MOXD1: variants seen among roughly 807,000 people sequenced by gnomAD.
MOXD1 encodes DBH-like monooxygenase protein 1.
In MOXD1, 62 loss-of-function variants were observed where a neutral mutation model predicts 66.6. The observed-to-expected ratio is 0.93, with a 90% CI of 0.76 to 1.15. The LOEUF (loss-of-function observed/expected upper bound fraction) is 1.15, where lower values mean the gene tolerates loss of function less well. MOXD1 is among the 50% of genes most tolerant of loss of function. The pLI, the probability that MOXD1 is intolerant of heterozygous loss-of-function variation, is 0.00. For synonymous variants in MOXD1, 303 were observed against 281.9 expected (o/e 1.07, Z -0.75); for missense variants, 847 against 754.6 (o/e 1.12, Z -1.44).
chr6:132,401,085 G>C (rs1777014143), intron 1 of MOXD1, 78 bp downstream of exon 1: 2 of 1,377,918 alleles, frequency 1.5e-6, no homozygotes, highest in Non-Finnish European at 1.9e-6. Flanking sequence ...CCCCGGGGAC[G>C]ACCCGCACCT....
intron 1 of MOXD1, among the ~76,000 whole-genome samples, chr6:132,376,839 C>T (rs1329388391): frequency 6.6e-6 from 1 of 152,190 alleles, no homozygotes; most frequent in Non-Finnish European, 1.5e-5. Flanking sequence ...ATGCACCAGG[C>T]CCTGTTTACA....
intron 1 of MOXD1, among the ~76,000 whole-genome samples, chr6:132,386,078 G>T: frequency 7.1e-6 from 1 of 139,932 alleles, no homozygotes; most frequent in Middle Eastern, 4.3e-3. Context: ...ACTCCAGCCT[G>T]GGCGACAGGG....
intron 1 of MOXD1, among the ~76,000 whole-genome samples, chr6:132,396,937 T>C (rs1002593437): frequency 6.6e-6 from 1 of 152,228 alleles, no homozygotes; most frequent in Non-Finnish European, 1.5e-5. Context: ...TGAATTCCCA[T>C]GTGACTGTCT....
intron 10 of MOXD1, among the ~76,000 whole-genome samples, chr6:132,311,917 G>A (rs563293710): frequency 6.6e-6 from 1 of 151,950 alleles, no homozygotes; most frequent in African/African-American, 2.4e-5. Flanking sequence ...TTTTAAATAG[G>A]AAAAACATAA....
At chr6:132,309,373 A>G (rs1774771929) in intron 10 of MOXD1, among the ~76,000 whole-genome samples, 1 of 152,234 alleles carries the variant, frequency 6.6e-6, no homozygotes, top group Admixed American at 6.5e-5. Context: ...ATAAAAGAGT[A>G]CAAAAATAAA....
In MOXD1 at chr6:132,372,651, A is replaced by G. The variant is rs1181510791; in HGVS notation, c.620T>C (p.Met207Thr). The G allele has an allele frequency of 1.9e-6, 3 of 1,613,964 alleles. No homozygotes were observed. The highest frequency in any genetic ancestry group is 2.5e-6 in the Non-Finnish European group (3 of 1,179,878). Residue 207 changes from methionine to threonine, a missense_variant, in exon 4 of 12, where the codon ATG becomes ACG. Met to Thr is a moderately conservative substitution (Grantham distance 81, BLOSUM62 -1). Transcript: ENST00000367963. The stretch of plus-strand genomic sequence containing the variant: ...TTCTTGGAACACAGGAATCTTAAAC[A>G]TTTGGCACCAATATGTTGTATCTTT... ...PNKDTTYWCQMFKIPVFQEKH... is the reference protein window; with the variant it reads ...PNKDTTYWCQTFKIPVFQEKH...
At chr6:132,336,396 A>T (rs1258022811) in intron 4 of MOXD1, among the ~76,000 whole-genome samples, 2 of 152,148 alleles carry the variant, frequency 1.3e-5, no homozygotes, top group African/African-American at 2.4e-5. Flanking sequence ...AGAACTAACC[A>T]TGTAGATGGA....
At chr6:132,400,755 G>A (rs773211346) in intron 1 of MOXD1, among the ~76,000 whole-genome samples, 1 of 152,052 alleles carries the variant, frequency 6.6e-6, no homozygotes, top group Admixed American at 6.6e-5. Context: ...CAGCAAGTCC[G>A]CGACGTACTA....
intron 4 of MOXD1, among the ~76,000 whole-genome samples, chr6:132,348,201 G>T (rs1445511818): frequency 1.3e-5 from 2 of 152,172 alleles, no homozygotes; most frequent in African/African-American, 4.8e-5. Context: ...TGAGAGGAAG[G>T]CAACTGTCTT....
chr6:132,363,500 C>A (rs905976358), intron 4 of MOXD1, among the ~76,000 whole-genome samples: 2 of 152,046 alleles, frequency 1.3e-5, no homozygotes, highest in Non-Finnish European at 2.9e-5. Context: ...GTAACTTATG[C>A]ATCTTGAAAA....
chr6:132,297,942 T>C lies in MOXD1; in HGVS notation c.1522A>G (p.Ile508Val), dbSNP rs765995037. 6 of 1,608,512 alleles carry C rather than the reference T, an allele frequency of 3.7e-6. No homozygotes were observed. The South Asian group carries it at 5.6e-5, about 15-fold the overall frequency. Residue 508 changes from isoleucine to valine, a missense_variant, in exon 11 of 12, where the codon ATT (isoleucine) becomes GTT (valine). Ile to Val is a conservative substitution (Grantham distance 29, BLOSUM62 3). Transcript: ENST00000367963. The stretch of plus-strand genomic sequence containing the variant: ...TTATATTGCTTGGGACTTTTGATAA[T>C]GAAAGGCCAGGTCCTGAATTTAAAA... ...IYRPVTTWPFIIKSPKQYKNL... is the reference protein window; with the variant it reads ...IYRPVTTWPFVIKSPKQYKNL...
Position 132,322,787 on chromosome 6 carries a change from C to T in MOXD1, c.1197G>A (p.Leu399=). ...HAHLAGRGIR[L]RHFRKGKEMK... is the part of the protein sequence containing the mutation. Reference sequence around the variant, plus strand: ...TTTCCTTCCCTTTTCGAAAATGACGCAGCCTGATGCCTCTGCCAGCCAGGT... The same window carrying T: ...TTTCCTTCCCTTTTCGAAAATGACGTAGCCTGATGCCTCTGCCAGCCAGGT... The change falls in exon 8 of 12, where the codon CTG becomes CTA. Residue 399 remains leucine (L), a synonymous_variant. Coordinates refer to ENST00000367963, the MANE Select transcript of MOXD1 (RefSeq NM_015529.4). 6.2e-7 allele frequency: 1 copy of T among 1,614,080 alleles called. No homozygotes were observed. Among genetic ancestry groups the T allele is most frequent in the East Asian group, 2.2e-5 (1 of 44,872 alleles).
intron 7 of MOXD1, among the ~76,000 whole-genome samples, chr6:132,323,495 T>C (rs564434412): frequency 1.3e-5 from 2 of 152,258 alleles, no homozygotes; most frequent in South Asian, 2.1e-4. Context: ...TTTTCTTCTA[T>C]CCTATATATT....
chr6:132,401,247 C>G lies in MOXD1; in HGVS notation c.180G>C (p.Val60=), dbSNP rs762097388. 23 of 1,593,158 alleles carry G rather than the reference C, an allele frequency of 1.4e-5. No homozygotes were observed. The African/African-American group carries it at 2.6e-4, about 18-fold the overall frequency. Residue 60 remains valine, a synonymous_variant, in exon 1 of 12, where the codon GTG becomes GTC. Coordinates refer to ENST00000367963, the MANE Select transcript of MOXD1 (RefSeq NM_015529.4). ...FRLQVRTAGY[V]GFGFSPTGAM... The stretch of plus-strand genomic sequence containing the variant: ...CCCCGGTGGGCGAGAAGCCGAAGCC[C>G]ACGTAGCCTGCAGTGCGCACCTGGA...
rs1179633592 is a variant in MOXD1 at position 132,328,463 on chromosome 6, T to C, written c.795A>G (p.Ala265=). The C allele has an allele frequency of 6.2e-7, 1 of 1,614,160 alleles. No individual in the cohort carries two copies. Among genetic ancestry groups the C allele is most frequent in the Non-Finnish European group, 8.5e-7 (1 of 1,180,006 alleles). Residue 265 remains alanine, a synonymous_variant, in exon 5 of 12, where the codon GCA becomes GCG. Coordinates refer to ENST00000367963, the MANE Select transcript of MOXD1 (RefSeq NM_015529.4). Reference sequence around the variant, plus strand: ...AAATCACAGTTTCACAGGTGAGGAATGCATCGGGCATGTTGGGGTGATAGC... The same window carrying C: ...AAATCACAGTTTCACAGGTGAGGAACGCATCGGGCATGTTGGGGTGATAGC... ...HECYHPNMPD[A]FLTCETVIFA... is the part of the protein sequence containing the mutation.
chr6:132,348,765 A>G lies in MOXD1; in HGVS notation c.664-20171T>C, dbSNP rs1370092241. The stretch of plus-strand genomic sequence containing the variant: ...TGGCCAATCTCTTTTCTTGGCAGAT[A>G]AAGGAAGAAATCTAACAAAAGAGCA... On this transcript the variant is annotated intron_variant, in intron 4 of 11. Transcript: ENST00000367963. 2.0e-5 allele frequency among the ~76,000 whole-genome samples: 3 copies of G among 152,182 alleles called. No individual in the cohort carries two copies. In the East Asian group the frequency reaches 5.8e-4, roughly 29 times the overall value.
At chr6:132,385,502 G>A (rs1419802843) in intron 1 of MOXD1, among the ~76,000 whole-genome samples, 1 of 108,400 alleles carries the variant, frequency 9.2e-6, no homozygotes, top group Non-Finnish European at 1.9e-5. Flanking sequence ...ATTATTATTA[G>A]AGACACAGTT....
At position 132,386,438 on chromosome 6, in the gene MOXD1, A is replaced by C. The variant is rs568635860; in HGVS notation, c.265-11661T>G. On this transcript the variant is annotated intron_variant, in intron 1 of 11. Transcript: ENST00000367963. ...CAAAACAAAACAAAACAAAACAAAA[A>C]AAAAAAACAAAAAAAAAACGGGAAA... 2.5e-3 allele frequency among the ~76,000 whole-genome samples: 331 copies of C among 132,666 alleles called. 12 individuals are homozygous for C. The highest frequency in any genetic ancestry group is 0.012 in the Middle Eastern group (3 of 254). The allele number at this position is 132,666 out of a possible 152,430, so 87.0% of individuals were successfully genotyped here. A position where few individuals can be genotyped will look rare whatever the true frequency, so the allele number is the denominator to read the frequency against.
At chr6:132,305,619 C>T (rs1415457302) in intron 10 of MOXD1, among the ~76,000 whole-genome samples, 3 of 152,196 alleles carry the variant, frequency 2.0e-5, no homozygotes, top group Non-Finnish European at 4.4e-5. Context: ...GTTGGTGCTC[C>T]TTGAGGTCAG....
Sources: gnomAD v4.1 joint callset for allele counts (sites outside exome capture counted in the v4.1 genomes callset) on GRCh38, gnomAD v4.1.1 for gene constraint, MANE v1.5 for transcripts, NCBI Gene and HGNC (gene_info 2026-07-23, HGNC 2026-07-21) for gene names.